Variants in C5orf58 observed in about 807,000 individuals in gnomAD.
C5orf58 encodes chromosome 5 open reading frame 58.
Under a neutral mutation model 2.9 loss-of-function variants are expected in C5orf58, and 2 were observed. That is an observed-to-expected ratio of 0.69 (90% confidence interval 0.28 to 2.18). C5orf58 has a LOEUF of 2.18. Among genes scored for constraint, C5orf58 ranks in the 30% most tolerant of loss-of-function variants. The probability of loss-of-function intolerance (pLI) is 0.13; values close to 1 mark genes in which losing one functional copy is unlikely to be tolerated. For synonymous variants in C5orf58, 37 were observed against 33.4 expected (o/e 1.11, Z -0.37); for missense variants, 96 against 91.7 (o/e 1.05, Z -0.19).
rs766499040 is a variant in C5orf58 at position 170,251,568 on chromosome 5, TCTC to T, written c.95-76_95-74del. ...TAAGGACTCCTTTAAACTACTCCCT[TCTC>T]CTCATACCAAATCAGGATAGCTTTA... On this transcript the variant is annotated intron_variant, in intron 2 of 2. Transcript: ENST00000517575. The T allele has an allele frequency of 6.5e-4, 293 of 453,178 alleles. 1 individual carries two copies. The highest frequency in any genetic ancestry group is 1.0e-3 in the Non-Finnish European group (231 of 224,828). The allele number at this position is 453,178 out of a possible 1,614,324, so 28.1% of individuals were successfully genotyped here. A position where few individuals can be genotyped will look rare whatever the true frequency, so the allele number is the denominator to read the frequency against.
chr5:170,235,314 G>A (rs1760697925), intron 3 of C5orf58, among the ~76,000 whole-genome samples: 1 of 152,148 alleles, frequency 6.6e-6, no homozygotes, highest in South Asian at 2.1e-4. Context: ...TCTAACCTCT[G>A]TAAATTTTAC....
chr5:170,234,765 C>T (rs1293022752), intron 2 of C5orf58, among the ~76,000 whole-genome samples: 4 of 152,202 alleles, frequency 2.6e-5, no homozygotes, highest in Non-Finnish European at 4.4e-5. Flanking sequence ...GAAGGAACCT[C>T]ATCCTACAAA....
At chr5:170,237,858 T>C (rs773481536) in intron 3 of C5orf58, among the ~76,000 whole-genome samples, 2 of 152,184 alleles carry the variant, frequency 1.3e-5, no homozygotes, top group African/African-American at 4.8e-5. Flanking sequence ...AGAAGGACAC[T>C]GAAACAAAGT....
chr5:170,245,622 T>G (rs1244369055), intron 3 of C5orf58, among the ~76,000 whole-genome samples: 1 of 152,246 alleles, frequency 6.6e-6, no homozygotes, highest in Non-Finnish European at 1.5e-5. Context: ...TGCCTCGCCC[T>G]GCTTCGGCTC....
chr5:170,233,109 C>T lies in C5orf58; in HGVS notation c.-85+102C>T, dbSNP rs138454753. 3.5e-3 allele frequency: 1,480 copies of T among 419,810 alleles called. 5 individuals carry two copies. The highest frequency in any genetic ancestry group is 4.1e-3 in the Non-Finnish European group (1,268 of 312,706). 26.0% of individuals were successfully genotyped at this position (419,810 alleles called of 1,614,324 possible). A position where few individuals can be genotyped will look rare whatever the true frequency, so the allele number is the denominator to read the frequency against. On this transcript the variant is annotated intron_variant, in intron 1 of 3. Transcript: ENST00000593851. ...CTGCCCGAGGCTCCACCTTCCACCACCCAACGGGTGGGCGGTGGGCCGGGC... is the reference window on the plus strand; with the variant it reads ...CTGCCCGAGGCTCCACCTTCCACCATCCAACGGGTGGGCGGTGGGCCGGGC...
downstream of C5orf58, chr5:170,247,454 C>T (rs1200555570): frequency 1.3e-5 from 2 of 152,296 alleles, no homozygotes; most frequent in East Asian, 1.9e-4. Context: ...TACTCTTTTC[C>T]ATTTCGAAAA....
chr5:170,238,460 G>A (rs1374875343), intron 3 of C5orf58, among the ~76,000 whole-genome samples: 3 of 152,132 alleles, frequency 2.0e-5, no homozygotes, highest in African/African-American at 7.2e-5. Context: ...AAAGGATTAG[G>A]TAAGTGAAGG....
chr5:170,237,714 A>G (rs1234311576), intron 3 of C5orf58, among the ~76,000 whole-genome samples: 2 of 152,192 alleles, frequency 1.3e-5, no homozygotes, highest in Non-Finnish European at 2.9e-5. Flanking sequence ...AGAATTGTAG[A>G]TCCCTGAGGT....
intron 1 of C5orf58, 42 bp from the exon 2 acceptor site, chr5:170,234,073 G>T: frequency 8.1e-7 from 1 of 1,228,698 alleles, no homozygotes; most frequent in Non-Finnish European, 1.1e-6. Context: ...CTTGGGGGTA[G>T]ATGCAAAGCG....
intron 3 of C5orf58, among the ~76,000 whole-genome samples, chr5:170,236,856 A>G (rs985623048): frequency 1.3e-5 from 2 of 152,232 alleles, no homozygotes; most frequent in African/African-American, 4.8e-5. Flanking sequence ...GCCTTTTGCT[A>G]TCACCTGTTA....
chr5:170,246,263 G>GT, downstream of C5orf58: 1 of 656,916 alleles, frequency 1.5e-6, no homozygotes, highest in East Asian at 2.9e-5. Context: ...TTAATGTTTT[G>GT]AAGAATGGCT....
downstream of C5orf58, among the ~76,000 whole-genome samples, chr5:170,250,540 GA>G (rs1229701070): frequency 6.6e-6 from 1 of 152,188 alleles, no homozygotes; most frequent in African/African-American, 2.4e-5. Flanking sequence ...ATACAAGAAA[GA>G]ATCCTATGGC....
At chr5:170,236,789 G>GT (rs1184829683) in intron 3 of C5orf58, among the ~76,000 whole-genome samples, 1 of 152,212 alleles carries the variant, frequency 6.6e-6, no homozygotes, top group Non-Finnish European at 1.5e-5. Context: ...TTAACTGCTA[G>GT]TAGTCAAGGT....
chr5:170,251,518 C>G, intron 2 of C5orf58: 1 of 357,048 alleles, frequency 2.8e-6, no homozygotes, highest in Non-Finnish European at 5.8e-6. Flanking sequence ...CTGTAAAGAT[C>G]TAATATTAAA....
rs980434796 is a variant in C5orf58 at position 170,236,107 on chromosome 5, C to G, written c.94+1037C>G. ...TTGCATCACATGCTGATGCTTACAG[C>G]AGCCACAGCTAAGGGGACTGGGACT... is the stretch of plus-strand genomic sequence containing the variant. On this transcript the variant is annotated intron_variant, in intron 3 of 3. Transcript: ENST00000593851. 8.5e-5 allele frequency among the ~76,000 whole-genome samples: 13 copies of G among 152,234 alleles called. No homozygotes were observed. The East Asian group carries it at 1.2e-3, about 14-fold the overall frequency.
At chr5:170,241,778 C>T (rs373001214) in intron 3 of C5orf58, among the ~76,000 whole-genome samples, 57,382 of 140,786 alleles carry the variant, frequency 0.41, 12,536 homozygotes, top group Non-Finnish European at 0.48. Context: ...TTTCCTTCTC[C>T]TGCCTAATTG....
intron 3 of C5orf58, among the ~76,000 whole-genome samples, chr5:170,244,908 GT>G (rs1450950805): frequency 2.6e-5 from 4 of 151,764 alleles, no homozygotes; most frequent in African/African-American, 4.8e-5. Flanking sequence ...CATCTTTGTG[GT>G]TTTATCTACT....
At chr5:170,242,120 G>A (rs2113114771) in intron 3 of C5orf58, among the ~76,000 whole-genome samples, 1 of 149,632 alleles carries the variant, frequency 6.7e-6, no homozygotes, top group African/African-American at 2.5e-5. Flanking sequence ...GCATCCCAGG[G>A]ATGAAGCCCA....
downstream of C5orf58, among the ~76,000 whole-genome samples, chr5:170,250,005 T>G (rs1217549447): frequency 6.6e-6 from 1 of 152,238 alleles, no homozygotes; most frequent in Non-Finnish European, 1.5e-5. Context: ...CATGCATTTT[T>G]TTTCTATTCA....
Sources: gnomAD v4.1 joint callset for allele counts (sites outside exome capture counted in the v4.1 genomes callset) on GRCh38, gnomAD v4.1.1 for gene constraint, MANE v1.5 for transcripts, NCBI Gene and HGNC (gene_info 2026-07-23, HGNC 2026-07-21) for gene names.